Variants in PDE4D observed in about 807,000 individuals in gnomAD.
PDE4D encodes phosphodiesterase 4D, also known as 3',5'-cyclic-AMP phosphodiesterase 4D.
In PDE4D, 24 loss-of-function variants were observed where a neutral mutation model predicts 87.4. The ratio of observed to expected loss-of-function variants is 0.27; its 90% confidence interval spans 0.20 to 0.39. The LOEUF (loss-of-function observed/expected upper bound fraction) is 0.39. Ranked by LOEUF, PDE4D falls within the 10% of genes least tolerant of loss-of-function variation. The pLI is 1.00. For synonymous variants in PDE4D, 384 were observed against 383.2 expected (o/e 1.00, Z -0.02); for missense variants, 714 against 1,041.0 (o/e 0.69, Z 4.32).
intron 1 of PDE4D, among the ~76,000 whole-genome samples, chr5:60,206,506 T>G (rs1742543138): frequency 6.6e-6 from 1 of 152,266 alleles, no homozygotes; most frequent in African/African-American, 2.4e-5. Context: ...ACTTTGTACT[T>G]ATACTACACC....
intron 1 of PDE4D, among the ~76,000 whole-genome samples, chr5:59,782,887 A>C (rs574453190): frequency 5.3e-5 from 8 of 152,268 alleles, no homozygotes; most frequent in Non-Finnish European, 5.9e-5. Context: ...GAATATGATG[A>C]CCCAACATCT....
chr5:59,085,519 C>T (rs1580718619), intron 5 of PDE4D, among the ~76,000 whole-genome samples: 1 of 152,214 alleles, frequency 6.6e-6, no homozygotes, highest in Non-Finnish European at 1.5e-5. Flanking sequence ...ATTATTATAT[C>T]CAGGTTGTTC....
chr5:60,488,921 A>C (rs1033318081), upstream of PDE4D, among the ~76,000 whole-genome samples: 4 of 152,174 alleles, frequency 2.6e-5, no homozygotes, highest in African/African-American at 9.6e-5. Context: ...GAGAGAATCA[A>C]TACTGCTCCC....
At chr5:59,836,830 T>A (rs1742192673) in intron 1 of PDE4D, among the ~76,000 whole-genome samples, 1 of 151,996 alleles carries the variant, frequency 6.6e-6, no homozygotes, top group South Asian at 2.1e-4. Context: ...TGTGTCGATA[T>A]GGGGAAGAGA....
chr5:59,401,005 A>G (rs1790509959), intron 1 of PDE4D, among the ~76,000 whole-genome samples: 1 of 152,192 alleles, frequency 6.6e-6, no homozygotes, highest in South Asian at 2.1e-4. Context: ...AAAGTCTAAA[A>G]CTTTTTGGTC....
chr5:59,860,075 A>G lies in PDE4D; in HGVS notation c.455+33093T>C, dbSNP rs570936434. ...AAAGGTTAAAGGAGAAATCAACAAGATATTAGGGATAGCTATAAGGACCCG... is the reference window on the plus strand; with the variant it reads ...AAAGGTTAAAGGAGAAATCAACAAGGTATTAGGGATAGCTATAAGGACCCG... On this transcript the variant is annotated intron_variant, in intron 1 of 14. Transcript: ENST00000340635. 2.9e-4 allele frequency among the ~76,000 whole-genome samples: 44 copies of G among 152,314 alleles called. 1 individual carries two copies. Among genetic ancestry groups the G allele is most frequent in the Middle Eastern group, 6.8e-3 (2 of 294 alleles).
chr5:59,924,966 G>A (rs112724885), intron 3 of PDE4D, among the ~76,000 whole-genome samples: 3,313 of 152,004 alleles, frequency 0.022, 128 homozygotes, highest in African/African-American at 0.076. Context: ...ACGAGGTCAG[G>A]AGATTGAGAC....
intron 1 of PDE4D, among the ~76,000 whole-genome samples, chr5:60,518,858 C>A (rs781692563): frequency 1.3e-5 from 2 of 152,194 alleles, no homozygotes; most frequent in Non-Finnish European, 2.9e-5. Context: ...AGTCTCCTAC[C>A]TTATTTTGGG....
chr5:59,231,536 G>C (rs1561769299), intron 1 of PDE4D, among the ~76,000 whole-genome samples: 1 of 152,228 alleles, frequency 6.6e-6, no homozygotes, highest in African/African-American at 2.4e-5. Context: ...AGAGCAAGGA[G>C]AGCTGCCACA....
rs1768017915 is a variant in PDE4D, at chr5:60,038,110, C to A, written c.43-49393G>T. On this transcript the variant is annotated intron_variant, in intron 2 of 16. Transcript: ENST00000502484. ...TCTGATGGTAGTTTCTTTTGCTGTGCAGAAGCTCTTTAGTTTAATTAGATC... is the reference window on the plus strand; with the variant it reads ...TCTGATGGTAGTTTCTTTTGCTGTGAAGAAGCTCTTTAGTTTAATTAGATC... 2.6e-5 allele frequency among the ~76,000 whole-genome samples: 4 copies of A among 152,212 alleles called. 1 individual carries two copies. The South Asian group carries it at 8.3e-4, about 32-fold the overall frequency.
intron 1 of PDE4D, among the ~76,000 whole-genome samples, chr5:60,472,360 T>C (rs942673671): frequency 6.6e-6 from 1 of 152,172 alleles, no homozygotes; most frequent in African/African-American, 2.4e-5. Flanking sequence ...CCAGACAGTC[T>C]AGCACCGGAG....
Position 59,935,845 on chromosome 5 carries a change from C to T in PDE4D, c.272+52643G>A, listed in dbSNP as rs540491766. ...TGTATATGTGCCACATTTTCTTAAT[C>T]CAGTCTATCATTGGTGGACATTTGG... On this transcript the variant is annotated intron_variant, in intron 3 of 16. Coordinates refer to the PDE4D transcript ENST00000502484. Among the ~76,000 whole-genome samples, 436 of 152,232 alleles carry T rather than the reference C, an allele frequency of 2.9e-3. 5 individuals carry two copies. The highest frequency in any genetic ancestry group is 9.9e-3 in the African/African-American group (412 of 41,556).
intron 1 of PDE4D, among the ~76,000 whole-genome samples, chr5:59,405,797 T>C (rs6879216): frequency 0.17 from 25,981 of 152,226 alleles, 2,951 homozygotes; most frequent in African/African-American, 0.31. Context: ...AATGATCATA[T>C]GTTTTTGTCC....
chr5:59,476,412 A>C (rs1803304737), intron 1 of PDE4D, among the ~76,000 whole-genome samples: 1 of 152,120 alleles, frequency 6.6e-6, no homozygotes, highest in South Asian at 2.1e-4. Context: ...TATTTCAGTA[A>C]CATATTTATC....
intron 2 of PDE4D, chr5:60,160,839 T>C (rs1308902904): frequency 2.2e-6 from 1 of 452,758 alleles, no homozygotes; most frequent in Non-Finnish European, 4.4e-6. Context: ...AATTGACAAA[T>C]GAAAATTTAA....
At chr5:59,817,583 C>T (rs763201538) in intron 1 of PDE4D, among the ~76,000 whole-genome samples, 3 of 152,146 alleles carry the variant, frequency 2.0e-5, no homozygotes, top group Admixed American at 6.5e-5. Flanking sequence ...GTTGAACTCT[C>T]AATGTCACTA....
chr5:59,467,174 T>G (rs1481839177), intron 1 of PDE4D, among the ~76,000 whole-genome samples: 1 of 152,190 alleles, frequency 6.6e-6, no homozygotes, highest in Non-Finnish European at 1.5e-5. Context: ...CCTCCAGAAC[T>G]ATCAGTAAAT....
chr5:59,180,827 C>A (rs1741349994), intron 4 of PDE4D, among the ~76,000 whole-genome samples, 183 bp from the exon 5 acceptor site: 1 of 152,174 alleles, frequency 6.6e-6, no homozygotes, highest in South Asian at 2.1e-4. Flanking sequence ...TGGCTCAGAT[C>A]ACACATGTCC....
intron 2 of PDE4D, among the ~76,000 whole-genome samples, chr5:60,119,770 A>G (rs981596853): frequency 2.0e-5 from 3 of 152,224 alleles, no homozygotes; most frequent in Non-Finnish European, 4.4e-5. Flanking sequence ...ATAAGTGGGT[A>G]TGAGAAATAT....
Sources: gnomAD v4.1 joint callset for allele counts (sites outside exome capture counted in the v4.1 genomes callset) on GRCh38, gnomAD v4.1.1 for gene constraint, MANE v1.5 for transcripts, NCBI Gene and HGNC (gene_info 2026-07-23, HGNC 2026-07-21) for gene names.